CERCAM: variants seen among roughly 807,000 people sequenced by gnomAD.
CERCAM encodes the protein cerebral endothelial cell adhesion molecule.
In CERCAM, 59 loss-of-function variants were observed where a neutral mutation model predicts 66.0. That is an observed-to-expected ratio of 0.89 (90% CI 0.73 to 1.11). The LOEUF is 1.11. Among genes scored for constraint, CERCAM ranks in the 50% most tolerant of loss-of-function variants. The pLI is 0.00. For missense variants in CERCAM, 840 were observed against 828.3 expected, an observed-to-expected ratio of 1.01 and a Z score of -0.17; for synonymous variants, 318 against 343.6, an observed-to-expected ratio of 0.93 and a Z score of 0.83.
chr9:128,424,245 C>T lies in CERCAM; in HGVS notation c.534C>T (p.Ser178=). 1.9e-6 allele frequency: 3 copies of T among 1,614,160 alleles called. No homozygotes were observed. Among genetic ancestry groups the T allele is most frequent in the Non-Finnish European group, 2.5e-6 (3 of 1,180,024 alleles). ...APMLDSQTYY[S]NFWCGITPQG... ...TGCTGGACTCCCAGACCTACTACTC[C>T]AACTTCTGGTGTGGGATCACCCCCC... Residue 178 remains serine, a synonymous_variant, in exon 4 of 13, where the codon TCC becomes TCT. Coordinates refer to ENST00000372838, the MANE Select transcript of CERCAM (RefSeq NM_016174.5).
At chr9:128,419,386 G>T (rs1833659190), upstream of CERCAM, 1 of 152,448 alleles carries the variant, frequency 6.6e-6, no homozygotes, top group South Asian at 2.1e-4. Flanking sequence ...GGGAGACCCC[G>T]TGCTGTTCCT....
intron 5 of CERCAM, among the ~76,000 whole-genome samples, chr9:128,426,753 C>A (rs1258720444): frequency 6.6e-6 from 1 of 152,126 alleles, no homozygotes; most frequent in Non-Finnish European, 1.5e-5. Flanking sequence ...TGGAGAAGAA[C>A]TTTGCAGGTG....
rs764785913 is a variant in CERCAM, at chr9:128,435,713, G to A, written c.1596G>A (p.Leu532=). The change falls in exon 12 of 13, where the codon CTG becomes CTA. Residue 532 remains leucine (L), a synonymous_variant. Coordinates refer to ENST00000372838, the MANE Select transcript of CERCAM (RefSeq NM_016174.5). ...TGGTGGCCTTCTCCGCCCAGCCCCTGCTCGCTGCCCCTACCCACTATGCCG... is the reference window on the plus strand; with the variant it reads ...TGGTGGCCTTCTCCGCCCAGCCCCTACTCGCTGCCCCTACCCACTATGCCG... ...RDLVAFSAQP[L]LAAPTHYAGD... 1 of 1,613,604 alleles carries A rather than the reference G, an allele frequency of 6.2e-7. No individual in the cohort carries two copies. The highest frequency in any genetic ancestry group is 8.5e-7 in the Non-Finnish European group (1 of 1,179,910).
At chr9:128,430,124 G>C (rs1833941409) in intron 8 of CERCAM, among the ~76,000 whole-genome samples, 1 of 152,082 alleles carries the variant, frequency 6.6e-6, no homozygotes, top group Middle Eastern at 3.2e-3. Context: ...TTTTTGACTG[G>C]GCACGGTGGC....
intron 12 of CERCAM, 122 bp downstream of exon 12, chr9:128,436,027 T>C (rs1223872089): frequency 9.2e-7 from 1 of 1,091,314 alleles, no homozygotes; most frequent in Non-Finnish European, 1.3e-6. Flanking sequence ...TCTCCATCTC[T>C]AGCTTTGCCT....
chr9:128,429,600 C>A (rs756521874), intron 8 of CERCAM, among the ~76,000 whole-genome samples: 2 of 151,270 alleles, frequency 1.3e-5, no homozygotes, highest in Non-Finnish European at 1.5e-5. Flanking sequence ...GTACTCAGCT[C>A]TTTTTATTTT....
At chr9:128,420,805 C>T (rs557527626), upstream of CERCAM, 2 of 667,292 alleles carry the variant, frequency 3.0e-6, no homozygotes, top group Non-Finnish European at 2.0e-6. This position sits in a 1 kb window ranked among gnomAD's most constrained non-coding sequence, Gnocchi z 5.0. Flanking sequence ...CCCGCCCGGG[C>T]CCCAGGCCCC....
intron 5 of CERCAM, among the ~76,000 whole-genome samples, chr9:128,426,396 AGGTG>A (rs1833847247): frequency 6.6e-6 from 1 of 152,072 alleles, no homozygotes; most frequent in Admixed American, 6.6e-5. Context: ...AGGCCGAGGC[AGGTG>A]GATCACGAGG....
rs544449897 is a variant in CERCAM at position 128,431,010 on chromosome 9, G to C, written c.1071-161G>C. ...GGCAACAGGGGCTCCAGTTCCCCAGGTCCAGTCCCTTGACAGCTTCAGGTC... is the reference window on the plus strand; with the variant it reads ...GGCAACAGGGGCTCCAGTTCCCCAGCTCCAGTCCCTTGACAGCTTCAGGTC... On this transcript the variant is annotated intron_variant, in intron 8 of 12. Coordinates refer to ENST00000372838, the MANE Select transcript of CERCAM (RefSeq NM_016174.5). 4.7e-6 allele frequency: 4 copies of C among 850,298 alleles called. No homozygotes were observed. In the African/African-American group the frequency reaches 5.1e-5, roughly 11 times the overall value. 52.7% of individuals were successfully genotyped at this position (850,298 alleles called of 1,614,324 possible). A position where few individuals can be genotyped will look rare whatever the true frequency, so the allele number is the denominator to read the frequency against.
chr9:128,427,089 G>A (rs1392266167), intron 5 of CERCAM, among the ~76,000 whole-genome samples: 1 of 152,104 alleles, frequency 6.6e-6, no homozygotes, highest in Non-Finnish European at 1.5e-5. Context: ...TCAATGCTGG[G>A]AATAGGGTTA....
Position 128,428,998 on chromosome 9 carries a change from G to T in CERCAM, c.1032G>T (p.Met344Ile). The T allele has an allele frequency of 6.2e-7, 1 of 1,610,976 alleles. No homozygotes were observed. ...GCATGCTCGCCTCGCTCTGGGAGATGGAGATCTCTGGGAGGGTGGTGGACG... is the reference window on the plus strand; with the variant it reads ...GCATGCTCGCCTCGCTCTGGGAGATTGAGATCTCTGGGAGGGTGGTGGACG... ...RERMLASLWE[M>I]EISGRVVDAV... is the part of the protein sequence containing the mutation. Residue 344 changes from methionine to isoleucine, a missense_variant, in exon 8 of 13, where the codon ATG becomes ATT. Coordinates refer to ENST00000372838, the MANE Select transcript of CERCAM (RefSeq NM_016174.5).
chr9:128,430,853 T>TAAA (rs377147792), intron 8 of CERCAM: 50 of 144,486 alleles, frequency 3.5e-4, no homozygotes, highest in Middle Eastern at 2.8e-3. Context: ...CCATCTCTAC[T>TAAA]AAAAAAAAAA....
intron 1 of CERCAM, chr9:128,422,376 T>C (rs1005859771): frequency 6.5e-6 from 1 of 154,236 alleles, no homozygotes; most frequent in African/African-American, 2.4e-5. Context: ...AAGACCAGCC[T>C]GGCTAACATG....
At chr9:128,430,899 C>A in intron 8 of CERCAM, 1 of 309,718 alleles carries the variant, frequency 3.2e-6, no homozygotes, top group Non-Finnish European at 5.9e-6. Flanking sequence ...ATCTCAGCTA[C>A]TTGTGAGGCT....
chr9:128,435,734 T>C lies in CERCAM; in HGVS notation c.1617T>C (p.Tyr539=), dbSNP rs1268151713. 1 of 1,613,486 alleles carries C rather than the reference T, an allele frequency of 6.2e-7. No individual in the cohort carries two copies. Among genetic ancestry groups the C allele is most frequent in the Non-Finnish European group, 8.5e-7 (1 of 1,179,920 alleles). Residue 539 remains tyrosine (Y), a synonymous_variant, in exon 12 of 13, where the codon TAT becomes TAC. Transcript: ENST00000372838. The stretch of plus-strand genomic sequence containing the variant: ...CCCTGCTCGCTGCCCCTACCCACTA[T>C]GCCGGGGACGCCGAGTGGCTCAGTG... ...AQPLLAAPTH[Y]AGDAEWLSDT... is the part of the protein sequence containing the mutation.
chr9:128,422,854 C>T lies in CERCAM; in HGVS notation c.198-14C>T, dbSNP rs1251613954. 6 of 1,612,100 alleles carry T rather than the reference C, an allele frequency of 3.7e-6. No individual in the cohort carries two copies. The highest frequency in any genetic ancestry group is 5.1e-6 in the Non-Finnish European group (6 of 1,179,356). The stretch of plus-strand genomic sequence containing the variant: ...TGGCTGTGCCCCCTCAGCCTTTTTT[C>T]TTCCCGTCCCCAGGTGTGCCACGGA... On this transcript the variant is annotated splice_polypyrimidine_tract_variant and intron_variant, in intron 1 of 12. Transcript: ENST00000372838.
At position 128,424,377 on chromosome 9, in the gene CERCAM, C is replaced by T. The variant is rs760599159; in HGVS notation, c.562-33C>T. 9.9e-6 allele frequency: 16 copies of T among 1,612,930 alleles called. No individual in the cohort carries two copies. In the East Asian group the frequency reaches 2.2e-4, roughly 22 times the overall value. Reference sequence around the variant, plus strand: ...GGTCTGTGGGCAGGGGCAGGGGAGCCCTCTCACAGCCCAAAGCATCCCTTT... The same window carrying T: ...GGTCTGTGGGCAGGGGCAGGGGAGCTCTCTCACAGCCCAAAGCATCCCTTT... On this transcript the variant is annotated intron_variant, in intron 4 of 12. Transcript: ENST00000372838.
intron 8 of CERCAM, among the ~76,000 whole-genome samples, chr9:128,429,478 A>G (rs1833925104): frequency 6.6e-6 from 1 of 152,112 alleles, no homozygotes. Flanking sequence ...TGAGCTACTG[A>G]TGCGTGGGGA....
intron 9 of CERCAM, among the ~76,000 whole-genome samples, chr9:128,433,050 C>T (rs1047747076): frequency 2.6e-5 from 4 of 152,082 alleles, no homozygotes; most frequent in Non-Finnish European, 2.9e-5. Context: ...GAGGCCGAGG[C>T]GGGTGGATCA....
Sources: allele counts gnomAD v4.1 joint callset (sites outside exome capture counted in the v4.1 genomes callset), GRCh38; gene constraint gnomAD v4.1.1; non-coding constraint Gnocchi (gnomAD v3.1); transcripts MANE v1.5; gene names NCBI Gene and HGNC (gene_info 2026-07-23, HGNC 2026-07-21).